TESMIN: variants seen among roughly 807,000 people sequenced by gnomAD.
TESMIN encodes testis expressed metallothionein like protein, also known as CXC domain containing 2.
Under a neutral mutation model 47.4 loss-of-function variants are expected in TESMIN, and 34 were observed. The observed-to-expected ratio is 0.72, with a 90% CI of 0.55 to 0.96. The LOEUF (loss-of-function observed/expected upper bound fraction) is 0.96, where lower values mean the gene tolerates loss of function less well. Among genes scored for constraint, TESMIN ranks in the 40% least tolerant of loss-of-function variants. TESMIN has a pLI of 0.00. For missense variants in TESMIN, 610 were observed against 637.2 expected (o/e 0.96, Z 0.46); for synonymous variants, 278 against 258.9 (o/e 1.07, Z -0.71).
chr11:68,736,379 C>G, intron 6 of TESMIN: 1 of 985,490 alleles, frequency 1.0e-6, no homozygotes, highest in Non-Finnish European at 1.2e-6. Flanking sequence ...TGCTGGCCTC[C>G]AGCCTAAGCT....
chr11:68,748,321 T>C (rs1216305469), intron 2 of TESMIN, among the ~76,000 whole-genome samples: 16 of 152,274 alleles, frequency 1.1e-4, no homozygotes, highest in Non-Finnish European at 2.9e-5. Context: ...CATCTAGGTA[T>C]AAATCTTAAA....
intron 5 of TESMIN, 42 bp from the exon 6 acceptor site, chr11:68,738,830 A>G (rs1254111058): frequency 6.4e-7 from 1 of 1,552,302 alleles, no homozygotes; most frequent in Non-Finnish European, 8.9e-7. Flanking sequence ...ATTAGCAAGG[A>G]TTTTTAAAGT....
intron 6 of TESMIN, among the ~76,000 whole-genome samples, chr11:68,721,022 T>C (rs1946197424): frequency 6.7e-6 from 1 of 149,996 alleles, no homozygotes; most frequent in East Asian, 2.0e-4. Context: ...AGTGTGCTTT[T>C]ATTACTTATC....
intron 6 of TESMIN, among the ~76,000 whole-genome samples, chr11:68,733,945 A>G (rs1300496709): frequency 2.0e-5 from 3 of 152,156 alleles, no homozygotes; most frequent in African/African-American, 7.2e-5. Context: ...GTGCATGCGG[A>G]GCAGGGTCCT....
intron 6 of TESMIN, among the ~76,000 whole-genome samples, chr11:68,717,890 T>C (rs956269014): frequency 2.6e-5 from 4 of 152,142 alleles, no homozygotes; most frequent in African/African-American, 7.2e-5. Flanking sequence ...AGAAAAGTGA[T>C]TGTTGAGACC....
intron 6 of TESMIN, among the ~76,000 whole-genome samples, chr11:68,717,263 G>A (rs1249276295): frequency 1.3e-5 from 2 of 152,326 alleles, no homozygotes; most frequent in South Asian, 2.1e-4. Context: ...CCAGAGAGGC[G>A]AGTTCTGCAG....
intron 6 of TESMIN, chr11:68,738,171 C>G: frequency 1.2e-5 from 12 of 986,166 alleles, no homozygotes; most frequent in African/African-American, 1.7e-5. Flanking sequence ...CAAGAAATAG[C>G]AAGATGAGGT....
intron 6 of TESMIN, among the ~76,000 whole-genome samples, chr11:68,718,686 T>G (rs974159944): frequency 3.2e-4 from 49 of 152,304 alleles, no homozygotes; most frequent in African/African-American, 1.1e-3. Context: ...CATGAGCACA[T>G]TCTGCAGCAC....
chr11:68,722,946 C>T (rs1024167697), intron 6 of TESMIN, among the ~76,000 whole-genome samples: 10 of 151,984 alleles, frequency 6.6e-5, no homozygotes, highest in African/African-American at 1.9e-4. Context: ...AAAAAGGAGA[C>T]GAATTCATAA....
intron 6 of TESMIN, among the ~76,000 whole-genome samples, chr11:68,717,032 G>A (rs1946148134): frequency 6.6e-6 from 1 of 152,248 alleles, no homozygotes; most frequent in South Asian, 2.1e-4. Flanking sequence ...AAGCGCTGCT[G>A]AGGGAAACCC....
At chr11:68,706,332 C>A (rs1945997332), downstream of TESMIN, among the ~76,000 whole-genome samples, 1 of 152,226 alleles carries the variant, frequency 6.6e-6, no homozygotes, top group African/African-American at 2.4e-5. Flanking sequence ...TGGCTCTTCC[C>A]TCACCTCCAG....
chr11:68,705,176 C>G (rs553777381), downstream of TESMIN, among the ~76,000 whole-genome samples: 4 of 152,210 alleles, frequency 2.6e-5, no homozygotes, highest in Admixed American at 1.3e-4. Flanking sequence ...TCCTAAAGAG[C>G]GCGCCGCCTG....
intron 6 of TESMIN, among the ~76,000 whole-genome samples, chr11:68,733,169 C>T (rs900675711): frequency 2.6e-5 from 4 of 152,198 alleles, no homozygotes; most frequent in African/African-American, 9.7e-5. Flanking sequence ...TCAGCCACAT[C>T]GTCTACTTCC....
rs1483726258 is a variant in TESMIN, at chr11:68,708,324, C to A, written c.1511G>T (p.Gly504Val). 4 of 1,605,220 alleles carry A rather than the reference C, an allele frequency of 2.5e-6. No homozygotes were observed. Among genetic ancestry groups the A allele is most frequent in the Non-Finnish European group, 3.4e-6 (4 of 1,176,374 alleles). Residue 504 changes from glycine to valine, a missense_variant, in exon 10 of 10, where the codon GGA becomes GTA. Gly to Val is a moderately radical substitution (Grantham distance 109). Transcript: ENST00000255087. ...CTTTATACTCTACTCCATTTTCAAT[C>A]CCTTAGATTTAAACTCAGTGTGGAG... ...QILHTEFKSK[G>V]LKME
chr11:68,739,657 G>A (rs774468292), intron 5 of TESMIN, among the ~76,000 whole-genome samples: 4 of 152,130 alleles, frequency 2.6e-5, no homozygotes, highest in Middle Eastern at 3.4e-3. Context: ...CATCCATTAC[G>A]GCTGGAAGAC....
chr11:68,727,613 T>C (rs780729108), intron 6 of TESMIN, among the ~76,000 whole-genome samples: 1 of 152,328 alleles, frequency 6.6e-6, no homozygotes, highest in African/African-American at 2.4e-5. Context: ...TTAACACTTA[T>C]AGGCAAACCT....
At chr11:68,744,878 C>T in intron 4 of TESMIN, 113 bp downstream of exon 4, 1 of 917,252 alleles carries the variant, frequency 1.1e-6, no homozygotes, top group Non-Finnish European at 1.6e-6. Context: ...CGAGGTTTGC[C>T]AAATTTCCTA....
At chr11:68,731,860 G>C (rs1425278778) in intron 6 of TESMIN, among the ~76,000 whole-genome samples, 2 of 152,212 alleles carry the variant, frequency 1.3e-5, no homozygotes, top group Non-Finnish European at 2.9e-5. Context: ...AGTATTTCCA[G>C]AGATAACTGG....
chr11:68,709,658 T>G (rs1327153190), intron 9 of TESMIN, among the ~76,000 whole-genome samples: 1 of 152,106 alleles, frequency 6.6e-6, no homozygotes, highest in Non-Finnish European at 1.5e-5. Context: ...TGGATTAAAG[T>G]CTCTCTATAA....
Sources: gnomAD v4.1 joint callset for allele counts (sites outside exome capture counted in the v4.1 genomes callset) on GRCh38, gnomAD v4.1.1 for gene constraint, MANE v1.5 for transcripts, NCBI Gene and HGNC (gene_info 2026-07-23, HGNC 2026-07-21) for gene names.